TOP3A: variants seen among roughly 807,000 people sequenced by gnomAD.
TOP3A encodes the protein DNA topoisomerase 3-alpha.
In TOP3A, 64 loss-of-function variants were observed where a neutral mutation model predicts 111.3. The observed-to-expected ratio is 0.57, with a 90% CI of 0.47 to 0.71. The LOEUF is 0.71. TOP3A is among the 30% of genes least tolerant of loss of function. TOP3A has a pLI of 0.00. For missense variants in TOP3A, 1,104 were observed against 1,285.0 expected (o/e 0.86, Z 2.15); for synonymous variants, 484 against 485.1 (o/e 1.00, Z 0.03).
At chr17:18,314,192 G>A (rs1982099893) in intron 1 of TOP3A, among the ~76,000 whole-genome samples, 1 of 152,172 alleles carries the variant, frequency 6.6e-6, no homozygotes, top group Admixed American at 6.5e-5. Flanking sequence ...GGGAACGATC[G>A]GGCAGGGCTT....
chr17:18,307,138 G>C, intron 3 of TOP3A, 172 bp from the exon 4 acceptor site: 1 of 555,042 alleles, frequency 1.8e-6, no homozygotes, highest in Non-Finnish European at 3.2e-6. Flanking sequence ...ACTTCTCCAA[G>C]AGTGTGAACA....
chr17:18,296,511 C>T (rs1165563988), intron 9 of TOP3A, among the ~76,000 whole-genome samples: 11 of 152,072 alleles, frequency 7.2e-5, no homozygotes, highest in African/African-American at 1.7e-4. Context: ...GCCCGGGAGA[C>T]GGAGGTTGCA....
Position 18,285,022 on chromosome 17 carries a change from C to T in TOP3A, c.1877+120G>A, listed in dbSNP as rs557976750. 9.9e-6 allele frequency: 12 copies of T among 1,208,286 alleles called. No individual in the cohort carries two copies. In the African/African-American group the frequency reaches 1.5e-4, roughly 15 times the overall value. The allele number at this position is 1,208,286 out of a possible 1,614,324, so 74.8% of individuals were successfully genotyped here. Reference sequence around the variant, plus strand: ...ACTCTGACTGGCCCAGATGCGGTGGCTCACGCCTGTAATCCCCACACTTTG... The same window carrying T: ...ACTCTGACTGGCCCAGATGCGGTGGTTCACGCCTGTAATCCCCACACTTTG... On this transcript the variant is annotated intron_variant, in intron 15 of 18. Transcript: ENST00000321105.
In TOP3A at chr17:18,274,888, T is replaced by C; in HGVS notation, c.2920A>G (p.Met974Val). ...SKRPRASSSD[M>V]GSTAKKPRKC... ...CGGGGTTTCTTTGCTGTGGACCCCA[T>C]GTCTGAGGAACTGGCCCGGGGCCTT... The change falls in exon 19 of 19, where the codon ATG (methionine) becomes GTG (valine). Residue 974 changes from methionine to valine, a missense_variant. By Grantham distance (21) the Met-to-Val change is conservative. Coordinates refer to ENST00000321105, the MANE Select transcript of TOP3A (RefSeq NM_004618.5). 6.2e-7 allele frequency: 1 copy of C among 1,614,166 alleles called. No homozygotes were observed. The highest frequency in any genetic ancestry group is 1.1e-5 in the South Asian group (1 of 91,078).
At chr17:18,294,478 C>T (rs1377682515) in intron 10 of TOP3A, among the ~76,000 whole-genome samples, 4 of 151,888 alleles carry the variant, frequency 2.6e-5, no homozygotes, top group Non-Finnish European at 4.4e-5. Flanking sequence ...TACAGGCGCA[C>T]GCCACCACGT....
At chr17:18,283,750 C>T (rs544534747) in intron 15 of TOP3A, among the ~76,000 whole-genome samples, 6 of 152,290 alleles carry the variant, frequency 3.9e-5, no homozygotes, top group African/African-American at 1.4e-4. Context: ...GACTGACTGG[C>T]TATAAACTGG....
In TOP3A at chr17:18,305,100, A is replaced by G; in HGVS notation, c.499+12T>C. 1 of 1,606,338 alleles carries G rather than the reference A, an allele frequency of 6.2e-7. No homozygotes were observed. The highest frequency in any genetic ancestry group is 8.5e-7 in the Non-Finnish European group (1 of 1,172,844). ...CAAAGTAGAGAAAGTCAGCAGCAGC[A>G]GCAGCACTTACCAGCCTTACACACG... On this transcript the variant is annotated intron_variant, in intron 5 of 18. Transcript: ENST00000321105.
intron 5 of TOP3A, among the ~76,000 whole-genome samples, chr17:18,303,977 T>A (rs1468494490): frequency 6.6e-6 from 1 of 152,228 alleles, no homozygotes; most frequent in East Asian, 1.9e-4. Context: ...GTGAACATTT[T>A]TTTTTTGGAG....
intron 13 of TOP3A, among the ~76,000 whole-genome samples, chr17:18,286,513 C>G (rs1383636370): frequency 6.6e-6 from 1 of 152,028 alleles, no homozygotes; most frequent in Non-Finnish European, 1.5e-5. Context: ...GAGACTCCAC[C>G]TCAACAATAA....
intron 13 of TOP3A, among the ~76,000 whole-genome samples, chr17:18,288,650 A>G (rs1980277632): frequency 6.6e-6 from 1 of 152,070 alleles, no homozygotes; most frequent in Non-Finnish European, 1.5e-5. Flanking sequence ...ATCCAGCTAC[A>G]GCAGGCTTCT....
At chr17:18,308,473 A>C in intron 2 of TOP3A, 49 bp from the exon 3 acceptor site, 22 of 1,296,676 alleles carry the variant, frequency 1.7e-5, no homozygotes, top group Non-Finnish European at 2.4e-5. Context: ...TGCAGTTATT[A>C]TTCTGCCAAA....
rs937332672 is a variant in TOP3A, at chr17:18,312,518, G to A, written c.180+2081C>T. ...CTTTCTGGTAGACAAAGGAGCTCTG[G>A]CTAAGCTGGTGGGACAAATTACAAC... On this transcript the variant is annotated intron_variant, in intron 1 of 18. Coordinates refer to ENST00000321105, the MANE Select transcript of TOP3A (RefSeq NM_004618.5). 2.5e-5 allele frequency: 4 copies of A among 160,870 alleles called. No homozygotes were observed. The Admixed American group carries it at 2.5e-4, about 10-fold the overall frequency. 10.0% of individuals were successfully genotyped at this position (160,870 alleles called of 1,614,324 possible).
Position 18,285,445 on chromosome 17 carries a change from C to T in TOP3A, c.1673G>A (p.Arg558Gln), listed in dbSNP as rs773685208. Reference protein sequence around the residue: ...RMYVGLTPDKRFLPGHLGMGL... With the variant: ...RMYVGLTPDKQFLPGHLGMGL... Reference sequence around the variant, plus strand: ...CATGCCCAGGTGCCCAGGGAGGAACCGCTTGTCTGGGGTGAGGCCCACGTA... The same window carrying T: ...CATGCCCAGGTGCCCAGGGAGGAACTGCTTGTCTGGGGTGAGGCCCACGTA... Residue 558 changes from arginine (R) to glutamine (Q), a missense_variant, in exon 14 of 19, where the codon CGG (arginine) becomes CAG (glutamine). Coordinates refer to ENST00000321105, the MANE Select transcript of TOP3A (RefSeq NM_004618.5). 1.2e-5 allele frequency: 20 copies of T among 1,614,074 alleles called. No individual in the cohort carries two copies. The highest frequency in any genetic ancestry group is 9.9e-5 in the South Asian group (9 of 91,066).
Position 18,278,135 on chromosome 17 carries a change from A to G in TOP3A, c.2367T>C (p.Thr789=). ...QHPQPADSRQ[T]GSSKALAQTL... ...TCTGGGCCAGAGCCTTTGAGGACCCAGTCTGTCTGCTGTCAGCAGGCTGGG... is the reference window on the plus strand; with the variant it reads ...TCTGGGCCAGAGCCTTTGAGGACCCGGTCTGTCTGCTGTCAGCAGGCTGGG... The change falls in exon 18 of 19, where the codon ACT becomes ACC. Residue 789 remains threonine, a synonymous_variant. Coordinates refer to ENST00000321105, the MANE Select transcript of TOP3A (RefSeq NM_004618.5). 6.2e-7 allele frequency: 1 copy of G among 1,614,216 alleles called. No individual in the cohort carries two copies. The highest frequency in any genetic ancestry group is 8.5e-7 in the Non-Finnish European group (1 of 1,180,030).
Position 18,274,923 on chromosome 17 carries a change from G to T in TOP3A, c.2885C>A (p.Ala962Asp), listed in dbSNP as rs572746282. 6.2e-7 allele frequency: 1 copy of T among 1,614,150 alleles called. No individual in the cohort carries two copies. Among genetic ancestry groups the T allele is most frequent in the South Asian group, 1.1e-5 (1 of 91,076 alleles). Residue 962 changes from alanine (A) to aspartate (D), a missense_variant, in exon 19 of 19, where the codon GCC becomes GAC. Coordinates refer to ENST00000321105, the MANE Select transcript of TOP3A (RefSeq NM_004618.5). ...ACTGGCCCGGGGCCTTTTGCTTCTG[G>T]CTTCCGACTCCAGGGTTCTTCCTCT... ...GDRGRTLESE[A>D]RSKRPRASSS...
chr17:18,276,982 G>A (rs577741721), intron 18 of TOP3A, among the ~76,000 whole-genome samples: 6 of 152,218 alleles, frequency 3.9e-5, no homozygotes, highest in Admixed American at 1.3e-4. Context: ...GGTGGAGTTC[G>A]AGACCAGCCT....
At chr17:18,277,295 C>T (rs1192960266) in intron 18 of TOP3A, among the ~76,000 whole-genome samples, 2 of 152,136 alleles carry the variant, frequency 1.3e-5, no homozygotes, top group Non-Finnish European at 2.9e-5. Flanking sequence ...ATGTACTCAT[C>T]CTGGTGTCTG....
In TOP3A at chr17:18,274,682, A is replaced by C; in HGVS notation, c.*120T>G. On this transcript the variant is annotated 3_prime_UTR_variant, in exon 19 of 19. Coordinates refer to ENST00000321105, the MANE Select transcript of TOP3A (RefSeq NM_004618.5). ...TTAACACAAGAAGGCCCGACTCCAAAGGCCAACACTGTCCTCTAAGTTTCC... is the reference window on the plus strand; with the variant it reads ...TTAACACAAGAAGGCCCGACTCCAACGGCCAACACTGTCCTCTAAGTTTCC... 1 of 1,470,932 alleles carries C rather than the reference A, an allele frequency of 6.8e-7. No individual in the cohort carries two copies. Among genetic ancestry groups the C allele is most frequent in the Non-Finnish European group, 9.0e-7 (1 of 1,108,338 alleles). The allele number at this position is 1,470,932 out of a possible 1,614,324, so 91.1% of individuals were successfully genotyped here. A position where few individuals can be genotyped will look rare whatever the true frequency, so the allele number is the denominator to read the frequency against.
intron 9 of TOP3A, among the ~76,000 whole-genome samples, chr17:18,298,329 G>A (rs1452101636): frequency 6.6e-6 from 1 of 150,870 alleles, no homozygotes; most frequent in Non-Finnish European, 1.5e-5. Context: ...CCGGCAGGGA[G>A]GTGGGAGGGT....
Sources: gnomAD v4.1 joint callset for allele counts (sites outside exome capture counted in the v4.1 genomes callset) on GRCh38, gnomAD v4.1.1 for gene constraint, MANE v1.5 for transcripts, NCBI Gene and HGNC (gene_info 2026-07-23, HGNC 2026-07-21) for gene names.